The following SDK1 variants were observed in gnomAD, a reference collection of about 807,000 sequenced individuals.
SDK1 encodes sidekick cell adhesion molecule 1.
A neutral mutation model predicts 245.5 loss-of-function variants in SDK1; 157 were observed. The ratio of observed to expected loss-of-function variants is 0.64; its 90% CI spans 0.56 to 0.73. The LOEUF is 0.73. Among genes scored for constraint, SDK1 ranks in the 30% least tolerant of loss-of-function variants. The pLI is 0.00. For missense variants in SDK1, 3,583 were observed against 3,002.3 expected (o/e 1.19, Z -4.52); for synonymous variants, 1,647 against 1,278.5 (o/e 1.29, Z -6.15).
In SDK1 at chr7:3,466,979, TACACACACACACACACACAC is replaced by T. The variant is rs11269597; in HGVS notation, c.299-152069_299-152050del. Reference sequence around the variant, plus strand: ...TCGAAATCTCTCTCCTCTCTCTCTCTACACACACACACACACACACACACACACACACACACACACACACA... The same window carrying T: ...TCGAAATCTCTCTCCTCTCTCTCTCTACACACACACACACACACACACACA... On this transcript the variant is annotated intron_variant, in intron 1 of 44. Transcript: ENST00000404826. 4.8e-3 allele frequency among the ~76,000 whole-genome samples: 613 copies of T among 127,586 alleles called. 6 individuals are homozygous for T. Among genetic ancestry groups the T allele is most frequent in the African/African-American group, 0.017 (557 of 32,696 alleles). The allele number at this position is 127,586 out of a possible 152,430, so 83.7% of individuals were successfully genotyped here. A position where few individuals can be genotyped will look rare whatever the true frequency, so the allele number is the denominator to read the frequency against.
intron 1 of SDK1, among the ~76,000 whole-genome samples, chr7:3,417,129 G>T (rs1256347819): frequency 6.6e-6 from 1 of 152,168 alleles, no homozygotes; most frequent in East Asian, 1.9e-4. Context: ...AGCCGAGACT[G>T]CGCCACTGCA....
chr7:4,110,865 A>T (rs1349658445), intron 23 of SDK1, 93 bp downstream of exon 23: 8 of 828,394 alleles, frequency 9.7e-6, no homozygotes, highest in South Asian at 4.2e-5. Context: ...AGTCGTACGT[A>T]TGCAAATCAG....
chr7:3,581,077 A>G (rs1780473020), intron 1 of SDK1, among the ~76,000 whole-genome samples: 2 of 151,942 alleles, frequency 1.3e-5, no homozygotes, highest in Non-Finnish European at 2.9e-5. Context: ...GAAGATGCTG[A>G]AAACAATTGC....
intron 1 of SDK1, among the ~76,000 whole-genome samples, chr7:3,436,270 A>G (rs1316903930): frequency 2.0e-5 from 3 of 152,142 alleles, no homozygotes; most frequent in Non-Finnish European, 2.9e-5. Context: ...AACTTTTTAG[A>G]TAGGATTTCT....
chr7:3,672,755 AAT>A (rs1491256097), intron 4 of SDK1, among the ~76,000 whole-genome samples: 1 of 80,166 alleles, frequency 1.2e-5, no homozygotes, highest in Non-Finnish European at 2.3e-5. Context: ...TATAATATAT[AAT>A]TTTATATATA....
At chr7:4,128,839 A>G (rs112749773) in intron 26 of SDK1, among the ~76,000 whole-genome samples, 95 of 43,450 alleles carry the variant, frequency 2.2e-3, no homozygotes, top group Admixed American at 4.5e-3. Flanking sequence ...AGCAGCTTGG[A>G]GTGGGGTCCC....
chr7:3,327,368 T>G (rs1049973344), intron 1 of SDK1, among the ~76,000 whole-genome samples: 5 of 152,120 alleles, frequency 3.3e-5, no homozygotes, highest in African/African-American at 1.2e-4. Context: ...AGCAATAAAT[T>G]TTATCTCCTC....
intron 4 of SDK1, among the ~76,000 whole-genome samples, chr7:3,729,083 T>C (rs913210068): frequency 2.0e-5 from 3 of 152,210 alleles, no homozygotes; most frequent in African/African-American, 7.2e-5. Context: ...GCTTTAACCA[T>C]ACTGGGCAAC....
chr7:4,175,633 T>A (rs1584371573), intron 33 of SDK1, 142 bp from the exon 34 acceptor site: 1 of 733,688 alleles, frequency 1.4e-6, no homozygotes, highest in East Asian at 2.5e-5. Flanking sequence ...GGTAGCGGGG[T>A]CTTTATTGCC....
At position 3,727,663 on chromosome 7, in the gene SDK1, G is replaced by T. The variant is rs921504046; in HGVS notation, c.713+85558G>T. Among the ~76,000 whole-genome samples the T allele has an allele frequency of 3.3e-5, 5 of 151,920 alleles. No individual in the cohort carries two copies. The East Asian group carries it at 7.8e-4, about 24-fold the overall frequency. On this transcript the variant is annotated intron_variant, in intron 4 of 44. Coordinates refer to ENST00000404826, the MANE Select transcript of SDK1 (RefSeq NM_152744.4). ...ACACCAGCGCGTCCGGCTAAATTTT[G>T]TATTTTTAGTAGAGACGGGGTTTCA...
intron 4 of SDK1, among the ~76,000 whole-genome samples, chr7:3,772,079 G>C (rs897641033): frequency 6.6e-6 from 1 of 152,170 alleles, no homozygotes; most frequent in Non-Finnish European, 1.5e-5. Flanking sequence ...ACTGAAGCCT[G>C]TGTCAGACTT....
intron 4 of SDK1, among the ~76,000 whole-genome samples, chr7:3,721,802 G>C (rs570346846): frequency 2.0e-5 from 3 of 152,260 alleles, no homozygotes; most frequent in African/African-American, 7.2e-5. Flanking sequence ...GAATGTCTCT[G>C]CTCCATTCTA....
chr7:4,002,521 A>G (rs1785147575), intron 14 of SDK1, among the ~76,000 whole-genome samples: 1 of 151,758 alleles, frequency 6.6e-6, no homozygotes, highest in East Asian at 1.9e-4. Context: ...GCATTGAACA[A>G]CAATGAGAAT....
chr7:3,458,413 G>C (rs1780733443), intron 1 of SDK1, among the ~76,000 whole-genome samples: 1 of 152,000 alleles, frequency 6.6e-6, no homozygotes, highest in South Asian at 2.1e-4. Flanking sequence ...TTGCACAGAT[G>C]AATAAATGAA....
chr7:3,790,249 A>AG (rs1337646170), intron 4 of SDK1, among the ~76,000 whole-genome samples: 1 of 152,180 alleles, frequency 6.6e-6, no homozygotes, highest in African/African-American at 2.4e-5. Flanking sequence ...GGGTTCAGAG[A>AG]GAGGACTTTC....
At chr7:4,091,526 A>G (rs1781802619) in intron 22 of SDK1, among the ~76,000 whole-genome samples, 1 of 151,678 alleles carries the variant, frequency 6.6e-6, no homozygotes, top group East Asian at 1.9e-4. Flanking sequence ...TATTTTTGGT[A>G]GAGATGGGGT....
intron 1 of SDK1, among the ~76,000 whole-genome samples, chr7:3,459,716 G>A (rs1171706327): frequency 6.6e-6 from 1 of 152,162 alleles, no homozygotes; most frequent in Non-Finnish European, 1.5e-5. Flanking sequence ...GAACCTCCTG[G>A]TCGATCATGA....
At chr7:3,640,683 AT>A (rs1000449529) in intron 3 of SDK1, among the ~76,000 whole-genome samples, 89 of 148,384 alleles carry the variant, frequency 6.0e-4, no homozygotes, top group Middle Eastern at 7.1e-3. Context: ...TAGCTCTTCA[AT>A]TTTTTTTTTT....
At chr7:4,011,264 C>A in intron 15 of SDK1, 151 bp downstream of exon 15, 2 of 1,021,654 alleles carry the variant, frequency 2.0e-6, no homozygotes, top group Non-Finnish European at 2.8e-6. Flanking sequence ...AAGCCTGTCG[C>A]AAAGAGGGAA....
Sources: allele counts gnomAD v4.1 joint callset (sites outside exome capture counted in the v4.1 genomes callset), GRCh38; gene constraint gnomAD v4.1.1; transcripts MANE v1.5; gene names NCBI Gene and HGNC (gene_info 2026-07-23, HGNC 2026-07-21).